EDIL3: variants seen among roughly 807,000 people sequenced by gnomAD.
EDIL3 encodes EGF like and discoidin domains 3.
In EDIL3, 37 loss-of-function variants were observed where a neutral mutation model predicts 67.4. The observed-to-expected ratio is 0.55, with a 90% CI of 0.42 to 0.72. The LOEUF (loss-of-function observed/expected upper bound fraction) is 0.72. Among genes scored for constraint, EDIL3 ranks in the 30% least tolerant of loss-of-function variants. EDIL3 has a pLI of 0.00. For synonymous variants in EDIL3, 195 were observed against 196.3 expected (o/e 0.99, Z 0.05); for missense variants, 527 against 586.3 (o/e 0.90, Z 1.04).
At chr5:84,153,790 G>C (rs1748441511) in intron 4 of EDIL3, among the ~76,000 whole-genome samples, 2 of 152,120 alleles carry the variant, frequency 1.3e-5, no homozygotes, top group African/African-American at 4.8e-5. Context: ...ATCAGAATTT[G>C]ATTTACATTT....
At chr5:84,226,182 G>A (rs561864995) in intron 3 of EDIL3, among the ~76,000 whole-genome samples, 32 of 151,720 alleles carry the variant, frequency 2.1e-4, no homozygotes, top group African/African-American at 7.2e-4. Context: ...TCATTTCACT[G>A]ATAACTGAAA....
intron 1 of EDIL3, among the ~76,000 whole-genome samples, chr5:84,323,624 G>C (rs944291140): frequency 6.6e-6 from 1 of 151,828 alleles, no homozygotes; most frequent in East Asian, 1.9e-4. Flanking sequence ...GCAGGGATTT[G>C]AAGAATGGGT....
chr5:84,204,913 G>A (rs769217269), intron 3 of EDIL3, among the ~76,000 whole-genome samples: 1 of 151,458 alleles, frequency 6.6e-6, no homozygotes, highest in African/African-American at 2.4e-5. Flanking sequence ...AAATAGTAAC[G>A]CTTTTGTGTG....
intron 1 of EDIL3, among the ~76,000 whole-genome samples, chr5:84,383,843 G>A (rs987649680): frequency 6.6e-5 from 10 of 152,138 alleles, no homozygotes; most frequent in African/African-American, 2.4e-4. Context: ...CACCGCACCC[G>A]GGGGCGGACG....
At chr5:84,003,009 C>G (rs1745357478) in intron 9 of EDIL3, among the ~76,000 whole-genome samples, 1 of 150,996 alleles carries the variant, frequency 6.6e-6, no homozygotes, top group Admixed American at 6.6e-5. Context: ...TTCCTGGAGG[C>G]AACTGACAGC....
At chr5:84,147,924 T>C in intron 4 of EDIL3, among the ~76,000 whole-genome samples, 1 of 152,052 alleles carries the variant, frequency 6.6e-6, no homozygotes, top group East Asian at 1.9e-4. Flanking sequence ...ACTCAGATAA[T>C]AAAATTAAGA....
At chr5:84,137,162 C>T in intron 5 of EDIL3, 79 bp downstream of exon 5, 2 of 958,502 alleles carry the variant, frequency 2.1e-6, no homozygotes, top group Non-Finnish European at 3.0e-6. Flanking sequence ...TATATGCATA[C>T]ATATATGTGT....
chr5:84,329,878 A>T (rs1166748196), intron 1 of EDIL3, among the ~76,000 whole-genome samples: 1 of 152,106 alleles, frequency 6.6e-6, no homozygotes, highest in Non-Finnish European at 1.5e-5. Flanking sequence ...AGAAGAAAAA[A>T]TAGATTAAGA....
At chr5:84,325,174 T>C (rs990420422) in intron 1 of EDIL3, among the ~76,000 whole-genome samples, 1 of 151,830 alleles carries the variant, frequency 6.6e-6, no homozygotes, top group African/African-American at 2.4e-5. Context: ...AAAGATTCTA[T>C]CAGCGGAGAA....
At chr5:84,380,962 T>A (rs928466531) in intron 1 of EDIL3, among the ~76,000 whole-genome samples, 1 of 152,048 alleles carries the variant, frequency 6.6e-6, no homozygotes, top group Non-Finnish European at 1.5e-5. Context: ...ATACCCTAGA[T>A]TTTGAATACA....
chr5:84,082,834 G>A (rs1409396769), intron 6 of EDIL3, among the ~76,000 whole-genome samples: 2 of 152,036 alleles, frequency 1.3e-5, no homozygotes, highest in East Asian at 3.9e-4. Context: ...TAGACCTAAA[G>A]GTAGCTGCTA....
intron 9 of EDIL3, among the ~76,000 whole-genome samples, chr5:83,980,539 T>C (rs769123719): frequency 2.0e-5 from 3 of 151,446 alleles, no homozygotes; most frequent in Non-Finnish European, 2.9e-5. Context: ...AATACAAAAA[T>C]TAGCTGGGCC....
At chr5:84,271,631 T>C (rs919476484) in intron 1 of EDIL3, among the ~76,000 whole-genome samples, 6 of 152,034 alleles carry the variant, frequency 3.9e-5, no homozygotes, top group Non-Finnish European at 8.8e-5. Context: ...GAAAAGAAAA[T>C]CTATTTTATG....
rs1463993318 is a variant in EDIL3, at chr5:84,066,511, G to A, written c.747C>T (p.Ala249=). The part of the protein sequence containing the change: ...SPEYIKSYKI[A]YSNDGKTWAM... ...CCCAAGTCTTTCCATCATTACTGTAGGCAATTTTGTAGGATTTTATATACT... is the reference window on the plus strand; with the variant it reads ...CCCAAGTCTTTCCATCATTACTGTAAGCAATTTTGTAGGATTTTATATACT... The change falls in exon 7 of 11, where the codon GCC becomes GCT. Residue 249 remains alanine (A), a synonymous_variant. Transcript: ENST00000296591. 2 of 1,613,228 alleles carry A rather than the reference G, an allele frequency of 1.2e-6. No individual in the cohort carries two copies. Among genetic ancestry groups the A allele is most frequent in the East Asian group, 4.5e-5 (2 of 44,758 alleles).
chr5:84,206,943 T>C (rs1743993607), intron 3 of EDIL3, among the ~76,000 whole-genome samples: 1 of 152,202 alleles, frequency 6.6e-6, no homozygotes, highest in African/African-American at 2.4e-5. Flanking sequence ...AATATCATAC[T>C]GAATGGGCAA....
At position 84,349,199 on chromosome 5, in the gene EDIL3, T is replaced by C. The variant is rs141152351; in HGVS notation, c.67+35109A>G. Among the ~76,000 whole-genome samples, 106 of 152,312 alleles carry C rather than the reference T, an allele frequency of 7.0e-4. 1 individual carries two copies. The highest frequency in any genetic ancestry group is 2.4e-3 in the African/African-American group (100 of 41,592). ...CAGCTTGCTTTCCCAAGCAGGCTTC[T>C]TGAGGCAACAGTGCATCGGATTTTT... On this transcript the variant is annotated intron_variant, in intron 1 of 10. Coordinates refer to ENST00000296591, the MANE Select transcript of EDIL3 (RefSeq NM_005711.5).
intron 6 of EDIL3, among the ~76,000 whole-genome samples, chr5:84,066,907 T>C (rs1031196845): frequency 6.6e-6 from 1 of 152,158 alleles, no homozygotes; most frequent in African/African-American, 2.4e-5. Flanking sequence ...AGATGTAACT[T>C]AATAAACTGA....
intron 9 of EDIL3, among the ~76,000 whole-genome samples, chr5:83,973,771 T>C (rs1400673253): frequency 6.6e-6 from 1 of 152,058 alleles, no homozygotes; most frequent in African/African-American, 2.4e-5. Context: ...ATGCATCTTA[T>C]TCTGTGGCAA....
chr5:84,349,691 G>A (rs1013513648), intron 1 of EDIL3, among the ~76,000 whole-genome samples: 39 of 151,522 alleles, frequency 2.6e-4, no homozygotes, highest in African/African-American at 9.0e-4. Context: ...TTTTCTCTTC[G>A]TACACCACCA....
Sources: allele counts gnomAD v4.1 joint callset (sites outside exome capture counted in the v4.1 genomes callset), GRCh38; gene constraint gnomAD v4.1.1; transcripts MANE v1.5; gene names NCBI Gene and HGNC (gene_info 2026-07-23, HGNC 2026-07-21).